LDHA: variants seen among roughly 807,000 people sequenced by gnomAD.
LDHA encodes the protein lactate dehydrogenase A, also known as L-lactate dehydrogenase A chain.
LDHA carries 10 observed loss-of-function variants against 36.3 expected under a neutral mutation model. The observed-to-expected ratio is 0.28, with a 90% CI of 0.17 to 0.47. LDHA has a LOEUF of 0.47. LDHA is among the 20% of genes least tolerant of loss of function. The pLI, the probability that LDHA is intolerant of heterozygous loss-of-function variation, is 0.99. For synonymous variants in LDHA, 110 were observed against 136.7 expected (o/e 0.80, Z 1.36); for missense variants, 267 against 405.8 (o/e 0.66, Z 2.94).
At chr11:18,400,477 ACACACG>A (rs907490378) in intron 3 of LDHA, 1 of 287,566 alleles carries the variant, frequency 3.5e-6, no homozygotes, top group South Asian at 2.5e-5. Context: ...ACACACACAC[ACACACG>A]AAATTGCCTG....
At chr11:18,400,476 C>T in intron 3 of LDHA, 1 of 287,868 alleles carries the variant, frequency 3.5e-6, no homozygotes, top group Non-Finnish European at 6.7e-6. Flanking sequence ...CACACACACA[C>T]ACACACGAAA....
At chr11:18,403,111 A>T in intron 5 of LDHA, 98 bp downstream of exon 5, 1 of 979,896 alleles carries the variant, frequency 1.0e-6, no homozygotes, top group South Asian at 1.4e-5. Flanking sequence ...ATATCCATTC[A>T]GTAGGATGGA....
At chr11:18,405,132 C>T (rs528532705) in intron 6 of LDHA, among the ~76,000 whole-genome samples, 2 of 152,030 alleles carry the variant, frequency 1.3e-5, no homozygotes, top group East Asian at 3.9e-4. Flanking sequence ...AAGAATTATC[C>T]AATTTTTTTT....
intron 2 of LDHA, chr11:18,397,210 A>T (rs1361562226): frequency 2.6e-6 from 1 of 378,938 alleles, no homozygotes; most frequent in Non-Finnish European, 4.7e-6. Flanking sequence ...ATTATTCTGT[A>T]TTAACATGCA....
chr11:18,396,617 G>T, intron 1 of LDHA: 1 of 1,406,362 alleles, frequency 7.1e-7, no homozygotes, highest in South Asian at 1.7e-5. Context: ...TAAGGTATGG[G>T]CCTTCACTCT....
At chr11:18,397,164 AAG>A in intron 2 of LDHA, 196 bp downstream of exon 2, 1 of 542,928 alleles carries the variant, frequency 1.8e-6, no homozygotes, top group Non-Finnish European at 3.2e-6. Context: ...AAAAGAATCA[AAG>A]GTTGTCAGGC....
chr11:18,407,524 C>G lies in LDHA; in HGVS notation c.*243C>G, dbSNP rs76818137. 2,025 of 797,524 alleles carry G rather than the reference C, an allele frequency of 2.5e-3. 46 individuals are homozygous for G. In the East Asian group the frequency reaches 0.046, roughly 18 times the overall value. The allele number at this position is 797,524 out of a possible 1,614,324, so 49.4% of individuals were successfully genotyped here. A position where few individuals can be genotyped will look rare whatever the true frequency, so the allele number is the denominator to read the frequency against. The stretch of plus-strand genomic sequence containing the variant: ...ACTGGTTAGTGTGAAATAGTTCTGC[C>G]ACCTCTGACGCACCACTGCCAATGC... On this transcript the variant is annotated 3_prime_UTR_variant, in exon 8 of 8. Coordinates refer to ENST00000422447, the MANE Select transcript of LDHA (RefSeq NM_005566.4).
chr11:18,401,473 C>CTTTTTTTTTTTTTTT (rs58157049), intron 4 of LDHA, among the ~76,000 whole-genome samples: 18 of 68,586 alleles, frequency 2.6e-4, no homozygotes, highest in South Asian at 6.3e-4. Context: ...ATTTATTTTT[C>CTTTTTTTTTTTTTTT]TTTTTTTTTT....
At chr11:18,399,890 C>T (rs903516366) in intron 3 of LDHA, 10 of 261,820 alleles carry the variant, frequency 3.8e-5, no homozygotes, top group East Asian at 3.4e-4. Flanking sequence ...CCACTGTGCC[C>T]GGCTTTAGAC....
chr11:18,405,776 T>C (rs1866660902), intron 7 of LDHA: 1 of 516,334 alleles, frequency 1.9e-6, no homozygotes. Context: ...AGATACTTGA[T>C]AATTTGACTA....
chr11:18,400,429 CCACACACACACACACACA>C lies in LDHA; in HGVS notation c.245-372_245-355del, dbSNP rs6144241. 3.5e-4 allele frequency: 102 copies of C among 287,588 alleles called. 1 individual carries two copies. In the Middle Eastern group the frequency reaches 5.2e-3, roughly 15 times the overall value. 17.8% of individuals were successfully genotyped at this position (287,588 alleles called of 1,614,324 possible). A position where few individuals can be genotyped will look rare whatever the true frequency, so the allele number is the denominator to read the frequency against. ...AAAACAAGTCCCCCTACCACCACCA[CCACACACACACACACACA>C]CACACACACACACACACACACACAC... is the stretch of plus-strand genomic sequence containing the variant. On this transcript the variant is annotated intron_variant, in intron 3 of 7. Transcript: ENST00000422447.
At chr11:18,395,723 A>G (rs1404817230) in intron 1 of LDHA, among the ~76,000 whole-genome samples, 3 of 152,204 alleles carry the variant, frequency 2.0e-5, no homozygotes, top group Non-Finnish European at 4.4e-5. Flanking sequence ...TATTTCCTCC[A>G]GCGAATGCAG....
intron 5 of LDHA, 58 bp downstream of exon 5, chr11:18,403,071 C>T: frequency 7.0e-7 from 1 of 1,419,720 alleles, no homozygotes; most frequent in Non-Finnish European, 9.9e-7. Flanking sequence ...AGTCGATGGG[C>T]ATTATATTAT....
Position 18,408,348 on chromosome 11 carries a change from C to CA in LDHA, c.*1075dup, listed in dbSNP as rs1244641413. ...ATCTGTTAAAAAAACAAAACAAAAC[C>CA]AAAAAAAACAAGTAACCTTGGTGGA... On this transcript the variant is annotated 3_prime_UTR_variant, in exon 8 of 8. Transcript: ENST00000422447. 2.3e-3 allele frequency: 848 copies of CA among 365,148 alleles called. 6 individuals carry two copies. Among genetic ancestry groups the CA allele is most frequent in the African/African-American group, 0.017 (774 of 46,626 alleles). 22.6% of individuals were successfully genotyped at this position (365,148 alleles called of 1,614,324 possible). A position where few individuals can be genotyped will look rare whatever the true frequency, so the allele number is the denominator to read the frequency against.
chr11:18,399,332 CAG>C lies in LDHA; in HGVS notation c.127-97_127-96del, dbSNP rs111598561. ...TCTCGATACTGTACTAATAAAGTAA[CAG>C]AACTCTCCTATGCCAGAAATATAGA... is the stretch of plus-strand genomic sequence containing the variant. On this transcript the variant is annotated intron_variant, in intron 2 of 7. Coordinates refer to ENST00000422447, the MANE Select transcript of LDHA (RefSeq NM_005566.4). The C allele has an allele frequency of 8.1e-4, 691 of 858,128 alleles. 7 individuals carry two copies. In the African/African-American group the frequency reaches 8.5e-3, roughly 11 times the overall value. The allele number at this position is 858,128 out of a possible 1,614,324, so 53.2% of individuals were successfully genotyped here. A position where few individuals can be genotyped will look rare whatever the true frequency, so the allele number is the denominator to read the frequency against.
At chr11:18,406,414 T>TAAA (rs532942664) in intron 7 of LDHA, among the ~76,000 whole-genome samples, 1,835 of 97,140 alleles carry the variant, frequency 0.019, 54 homozygotes, top group Non-Finnish European at 0.023. Context: ...TTGCCTCTGT[T>TAAA]AAAAAAAAAA....
chr11:18,403,412 C>T (rs1298657921), intron 5 of LDHA, among the ~76,000 whole-genome samples: 1 of 152,034 alleles, frequency 6.6e-6, no homozygotes, highest in Non-Finnish European at 1.5e-5. Flanking sequence ...CTAAGAAAAC[C>T]CCCCTTATGT....
chr11:18,394,726 G>A (rs2134014183), intron 1 of LDHA, 90 bp downstream of exon 1: 2 of 448,270 alleles, frequency 4.5e-6, no homozygotes, highest in Non-Finnish European at 9.0e-6. Context: ...TGCTCGCGAA[G>A]GGATTCCTGC....
chr11:18,403,470 A>G (rs1275295087), intron 5 of LDHA, among the ~76,000 whole-genome samples: 1 of 152,216 alleles, frequency 6.6e-6, no homozygotes, highest in Non-Finnish European at 1.5e-5. Context: ...AAACATTTCA[A>G]TTGGCTAGAG....
Sources: allele counts gnomAD v4.1 joint callset (sites outside exome capture counted in the v4.1 genomes callset), GRCh38; gene constraint gnomAD v4.1.1; transcripts MANE v1.5; gene names NCBI Gene and HGNC (gene_info 2026-07-23, HGNC 2026-07-21).